Variants in DSG4 observed in about 807,000 individuals in gnomAD.
DSG4 encodes the protein desmoglein-4.
Under a neutral mutation model 93.1 loss-of-function variants are expected in DSG4, and 87 were observed. The observed-to-expected ratio is 0.93, with a 90% CI of 0.79 to 1.12. The LOEUF (loss-of-function observed/expected upper bound fraction) is 1.12, where lower values mean the gene tolerates loss of function less well. DSG4 is among the 50% of genes most tolerant of loss of function. The probability of loss-of-function intolerance (pLI) is 0.00; values close to 1 mark genes in which losing one functional copy is unlikely to be tolerated. For missense variants in DSG4, 1,373 were observed against 1,285.7 expected (o/e 1.07, Z -1.04); for synonymous variants, 432 against 452.9 (o/e 0.95, Z 0.59).
In DSG4 at chr18:31,391,775, G is replaced by C. The variant is rs143041471; in HGVS notation, c.820-380G>C. ...TTTGTGCTGCAACAGCAGACGTGAG[G>C]GGTTGCAACACCAATTCTCTGGCCC... On this transcript the variant is annotated intron_variant, in intron 7 of 15. Transcript: ENST00000308128. Among the ~76,000 whole-genome samples, 25 of 151,952 alleles carry C rather than the reference G, an allele frequency of 1.6e-4. No homozygotes were observed. The East Asian group carries it at 2.7e-3, about 16-fold the overall frequency.
At position 31,399,538 on chromosome 18, in the gene DSG4, T is replaced by C. The variant is rs1413912371; in HGVS notation, c.1272T>C (p.Asp424=). The change falls in exon 9 of 16, where the codon GAT becomes GAC. Residue 424 remains aspartate, a synonymous_variant. Transcript: ENST00000308128. The part of the protein sequence containing the change: ...IDLDTGNPAT[D]VRYIIGHDAG... ...TGGACACAGGAAACCCTGCAACAGA[T>C]GTCAGGTACTGCAACTATTTTCTTC... 4 of 1,613,842 alleles carry C rather than the reference T, an allele frequency of 2.5e-6. No homozygotes were observed. In the African/African-American group the frequency reaches 4.0e-5, roughly 16 times the overall value.
Position 31,384,999 on chromosome 18 carries a change from G to T in DSG4, c.49-137G>T. 4 of 780,988 alleles carry T rather than the reference G, an allele frequency of 5.1e-6. No individual in the cohort carries two copies. The South Asian group carries it at 6.3e-5, about 12-fold the overall frequency. The allele number at this position is 780,988 out of a possible 1,614,324, so 48.4% of individuals were successfully genotyped here. A position where few individuals can be genotyped will look rare whatever the true frequency, so the allele number is the denominator to read the frequency against. Reference sequence around the variant, plus strand: ...AAAAGTCTATTATTCATTTGTGTTAGCCATGTTTATTTCACATCATCAACA... The same window carrying T: ...AAAAGTCTATTATTCATTTGTGTTATCCATGTTTATTTCACATCATCAACA... On this transcript the variant is annotated intron_variant, in intron 1 of 15. Transcript: ENST00000308128.
chr18:31,382,426 C>T (rs1042023952), intron 1 of DSG4: 1 of 152,178 alleles, frequency 6.6e-6, no homozygotes, highest in African/African-American at 2.4e-5. Context: ...CTTGACTAGT[C>T]TTAAAAAAGA....
chr18:31,394,678 T>C (rs911776748), intron 8 of DSG4, among the ~76,000 whole-genome samples: 4 of 19,706 alleles, frequency 2.0e-4, no homozygotes, highest in African/African-American at 1.7e-3. Flanking sequence ...GCAGTAAAAA[T>C]GGAAAAAAAA....
intron 14 of DSG4, 132 bp downstream of exon 14, chr18:31,409,940 T>C: frequency 9.4e-7 from 1 of 1,059,170 alleles, no homozygotes; most frequent in Non-Finnish European, 1.4e-6. Context: ...AGAGGGAATG[T>C]GACCTGTTTG....
chr18:31,396,813 G>T (rs1333938757), intron 8 of DSG4, among the ~76,000 whole-genome samples: 1 of 152,108 alleles, frequency 6.6e-6, no homozygotes, highest in African/African-American at 2.4e-5. Flanking sequence ...CTGCGTAATT[G>T]GGGGCCAGTA....
Position 31,413,676 on chromosome 18 carries a change from A to G in DSG4, c.*81A>G, listed in dbSNP as rs551350678. Reference sequence around the variant, plus strand: ...ATCCACCAAAAATATATAATGTACCATATATATTAATAGTCAACAAATACT... The same window carrying G: ...ATCCACCAAAAATATATAATGTACCGTATATATTAATAGTCAACAAATACT... On this transcript the variant is annotated 3_prime_UTR_variant, in exon 16 of 16. Transcript: ENST00000308128. 1.5e-4 allele frequency: 224 copies of G among 1,461,156 alleles called. No homozygotes were observed. The African/African-American group carries it at 1.8e-3, about 12-fold the overall frequency. The allele number at this position is 1,461,156 out of a possible 1,614,324, so 90.5% of individuals were successfully genotyped here.
At chr18:31,385,318 T>C in intron 2 of DSG4, 147 bp downstream of exon 2, 1 of 621,474 alleles carries the variant, frequency 1.6e-6, no homozygotes, top group Non-Finnish European at 2.7e-6. Flanking sequence ...GAAATAGCGA[T>C]GGTAAAATCC....
At chr18:31,405,648 C>T (rs2072416247) in intron 11 of DSG4, among the ~76,000 whole-genome samples, 1 of 151,890 alleles carries the variant, frequency 6.6e-6, no homozygotes, top group Non-Finnish European at 1.5e-5. Context: ...CTTTAAGAGG[C>T]CAAGGCAGGT....
intron 1 of DSG4, among the ~76,000 whole-genome samples, chr18:31,383,660 A>T (rs752087030): frequency 2.6e-5 from 4 of 152,074 alleles, no homozygotes; most frequent in African/African-American, 7.2e-5. Flanking sequence ...AAGTCAATCT[A>T]CCTCAGCGTG....
At chr18:31,380,147 A>G (rs1391006759) in intron 1 of DSG4, among the ~76,000 whole-genome samples, 1 of 152,176 alleles carries the variant, frequency 6.6e-6, no homozygotes, top group Non-Finnish European at 1.5e-5. Context: ...ATCTAGTATT[A>G]CCATGACCTA....
Position 31,409,807 on chromosome 18 carries a change from T to C in DSG4, c.2136T>C (p.Ser712=), listed in dbSNP as rs2072466884. The C allele has an allele frequency of 1.2e-6, 2 of 1,614,094 alleles. No individual in the cohort carries two copies. Among genetic ancestry groups the C allele is most frequent in the African/African-American group, 1.3e-5 (1 of 74,940 alleles). Residue 712 remains serine, a splice_region_variant and synonymous_variant, in exon 14 of 16, where the codon TCT becomes TCC. Coordinates refer to ENST00000308128, the MANE Select transcript of DSG4 (RefSeq NM_177986.5). ...ASNTQDRMDS[S]EIYTNTYAAG... ...ATACCCAGGATCGGATGGATTCCTC[T>C]GGTCAGTAGACACCAAAATCTGTTT...
At position 31,411,260 on chromosome 18, in the gene DSG4, G is replaced by A. The variant is rs1380995145; in HGVS notation, c.2167G>A (p.Gly723Ser). 6.2e-7 allele frequency: 1 copy of A among 1,613,824 alleles called. No homozygotes were observed. The highest frequency in any genetic ancestry group is 8.5e-7 in the Non-Finnish European group (1 of 1,180,036). ...CTACACCAACACCTATGCAGCCGGG[G>A]GCACGGTGGAAGGAGGTGTATCGGG... ...EIYTNTYAAG[G>S]TVEGGVSGVE... Residue 723 changes from glycine (G) to serine (S), a missense_variant, in exon 15 of 16, where the codon GGC becomes AGC. Transcript: ENST00000308128.
In DSG4 at chr18:31,389,009, A is replaced by G; in HGVS notation, c.508A>G (p.Ser170Gly). Residue 170 changes from serine to glycine, a missense_variant, in exon 5 of 16, where the codon AGT becomes GGT. By Grantham distance (56) the Ser-to-Gly change is moderately conservative. Transcript: ENST00000308128. ...ATACACAGCCAGCATTGAAGAAAAT[A>G]GTGATGCCAGTAAGTAGAATGACAT... is the stretch of plus-strand genomic sequence containing the variant. ...SVYTASIEEN[S>G]DANTLVVKLC... 6.2e-7 allele frequency: 1 copy of G among 1,613,148 alleles called. No individual in the cohort carries two copies.
intron 11 of DSG4, among the ~76,000 whole-genome samples, chr18:31,405,071 G>A (rs1001987606): frequency 2.0e-5 from 3 of 152,196 alleles, no homozygotes; most frequent in Admixed American, 2.0e-4. Flanking sequence ...GCACAGGTTA[G>A]ATTTTGGTGG....
intron 10 of DSG4, among the ~76,000 whole-genome samples, chr18:31,403,046 T>C (rs959375461): frequency 6.6e-6 from 1 of 152,048 alleles, no homozygotes; most frequent in Non-Finnish European, 1.5e-5. Flanking sequence ...GTCTAATTTA[T>C]GGGAACAGGG....
Position 31,392,328 on chromosome 18 carries a change from G to A in DSG4, c.993G>A (p.Leu331=). 1 of 1,613,600 alleles carries A rather than the reference G, an allele frequency of 6.2e-7. No homozygotes were observed. The highest frequency in any genetic ancestry group is 8.5e-7 in the Non-Finnish European group (1 of 1,179,754). The part of the protein sequence containing the change: ...QTDPQTNEGI[L]KVVKMLDYEQ... ...ATCCACAAACCAATGAAGGCATTTT[G>A]AAAGTTGTCAAGGTACAGTATAAGG... Residue 331 remains leucine, a synonymous_variant, in exon 8 of 16, where the codon TTG becomes TTA. Transcript: ENST00000308128.
At position 31,414,049 on chromosome 18, in the gene DSG4, A is replaced by T. The variant is rs2144226149; in HGVS notation, c.*454A>T. The T allele has an allele frequency of 6.2e-6, 1 of 160,136 alleles. No homozygotes were observed. Among genetic ancestry groups the T allele is most frequent in the East Asian group, 1.8e-4 (1 of 5,566 alleles). The allele number at this position is 160,136 out of a possible 1,614,324, so 9.9% of individuals were successfully genotyped here. On this transcript the variant is annotated 3_prime_UTR_variant, in exon 16 of 16. Coordinates refer to ENST00000308128, the MANE Select transcript of DSG4 (RefSeq NM_177986.5). ...AAAGTTGAATGAAATGTACATTCTGAAAGGAAATTGAAAAGGAACGTAGAG... is the reference window on the plus strand; with the variant it reads ...AAAGTTGAATGAAATGTACATTCTGTAAGGAAATTGAAAAGGAACGTAGAG...
Position 31,411,570 on chromosome 18 carries a change from C to G in DSG4, c.2355+122C>G. 2.5e-6 allele frequency: 3 copies of G among 1,217,692 alleles called. No individual in the cohort carries two copies. In the South Asian group the frequency reaches 3.9e-5, roughly 16 times the overall value. 75.4% of individuals were successfully genotyped at this position (1,217,692 alleles called of 1,614,324 possible). A position where few individuals can be genotyped will look rare whatever the true frequency, so the allele number is the denominator to read the frequency against. ...TGTTATTCTCAACCCTATCCCAAAC[C>G]TGAATAAAAAGTATTTCACGTCTCC... On this transcript the variant is annotated intron_variant, in intron 15 of 15. Coordinates refer to ENST00000308128, the MANE Select transcript of DSG4 (RefSeq NM_177986.5).
Sources: allele counts gnomAD v4.1 joint callset (sites outside exome capture counted in the v4.1 genomes callset), GRCh38; gene constraint gnomAD v4.1.1; transcripts MANE v1.5; gene names NCBI Gene and HGNC (gene_info 2026-07-23, HGNC 2026-07-21).